The following RSPH14 variants were observed in gnomAD, a reference collection of about 807,000 sequenced individuals.
RSPH14 encodes rhabdoid tumor deletion region gene 1.
RSPH14 carries 20 observed loss-of-function variants against 26.7 expected under a neutral mutation model. The observed-to-expected ratio is 0.75, with a 90% CI of 0.53 to 1.09. The LOEUF is 1.09. Ranked by LOEUF, RSPH14 falls within the 50% of genes least tolerant of loss-of-function variation. The pLI is 0.00. For synonymous variants in RSPH14, 177 were observed against 189.3 expected (o/e 0.93, Z 0.53); for missense variants, 449 against 457.2 (o/e 0.98, Z 0.16).
At position 23,140,333 on chromosome 22, in the gene RSPH14, T is replaced by G. The variant is rs935227370; in HGVS notation, c.88A>C (p.Lys30Gln). ...TCTGACTGCAGCTCCTCCTTCAGCT[T>G]GGGCAGGGCCCGATGGCCATAGGCA... Reference protein sequence around the residue: ...TTAYGHRALPKLKEELQSEDL... With the variant: ...TTAYGHRALPQLKEELQSEDL... Residue 30 changes from lysine (K) to glutamine (Q), a missense_variant, in exon 2 of 7, where the codon AAG becomes CAG. Coordinates refer to ENST00000216036, the MANE Select transcript of RSPH14 (RefSeq NM_014433.3). 9.3e-6 allele frequency: 15 copies of G among 1,614,088 alleles called. No homozygotes were observed. The highest frequency in any genetic ancestry group is 1.3e-5 in the Non-Finnish European group (15 of 1,180,044).
intron 4 of RSPH14, chr22:23,123,747 C>A: frequency 2.9e-6 from 1 of 346,138 alleles, no homozygotes; most frequent in Non-Finnish European, 5.4e-6. Flanking sequence ...CTTCACTTTG[C>A]CTTCCTGAGT....
the RSPH14 span, among the ~76,000 whole-genome samples, chr22:23,167,057 A>G: frequency 6.6e-6 from 1 of 151,990 alleles, no homozygotes; most frequent in Non-Finnish European, 1.5e-5. Flanking sequence ...ACAGCTGAAG[A>G]GATGGGACAC....
At chr22:23,166,728 G>T in the RSPH14 span, among the ~76,000 whole-genome samples, 1 of 151,960 alleles carries the variant, frequency 6.6e-6, no homozygotes, top group Non-Finnish European at 1.5e-5. Flanking sequence ...GTTGTTAACT[G>T]GTGCTCTACA....
the RSPH14 span, among the ~76,000 whole-genome samples, chr22:23,178,727 C>A: frequency 2.0e-5 from 3 of 152,186 alleles, no homozygotes; most frequent in Admixed American, 2.0e-4. Flanking sequence ...AACAGGCAAT[C>A]ACGAAATCGA....
At chr22:23,141,195 G>A (rs1347241751) in intron 1 of RSPH14, among the ~76,000 whole-genome samples, 2 of 152,104 alleles carry the variant, frequency 1.3e-5, no homozygotes, top group Non-Finnish European at 2.9e-5. Context: ...TGGGCGTGAT[G>A]GCGCATGCCT....
the RSPH14 span, among the ~76,000 whole-genome samples, chr22:23,177,352 T>C: frequency 6.6e-6 from 1 of 152,138 alleles, no homozygotes; most frequent in African/African-American, 2.4e-5. Flanking sequence ...GGCATCGCTC[T>C]CGGTGACCTA....
At chr22:23,175,125 A>AG in the RSPH14 span, among the ~76,000 whole-genome samples, 1 of 149,702 alleles carries the variant, frequency 6.7e-6, no homozygotes, top group Non-Finnish European at 1.5e-5. Context: ...GCCTCCGAGT[A>AG]GCTGGGACTA....
At chr22:23,157,417 A>ATT in the RSPH14 span, among the ~76,000 whole-genome samples, 1 of 151,714 alleles carries the variant, frequency 6.6e-6, no homozygotes, top group Non-Finnish European at 1.5e-5. Flanking sequence ...CACCCAGCTA[A>ATT]TTTTTTTGTG....
At chr22:23,076,558 A>G (rs1483718135) in intron 4 of RSPH14, among the ~76,000 whole-genome samples, 3 of 152,196 alleles carry the variant, frequency 2.0e-5, no homozygotes, top group Non-Finnish European at 2.9e-5. Flanking sequence ...GGATGCTACC[A>G]GCTGGGCCCC....
chr22:23,175,814 G>A, the RSPH14 span, among the ~76,000 whole-genome samples: 80 of 152,266 alleles, frequency 5.3e-4, no homozygotes, highest in African/African-American at 1.9e-3. Flanking sequence ...CTGCCCTGCC[G>A]GCCTCATGAT....
In RSPH14 at chr22:23,075,167, C is replaced by T. The variant is rs542866542; in HGVS notation, c.422-11034G>A. ...GGAGAAGGAAGGCCTGGAGGGTGGG[C>T]CCGCAACCTGCCTGCTGCCCAGTCC... On this transcript the variant is annotated intron_variant, in intron 4 of 6. Transcript: ENST00000216036. Among the ~76,000 whole-genome samples the T allele has an allele frequency of 5.9e-5, 9 of 152,204 alleles. No homozygotes were observed. The South Asian group carries it at 1.7e-3, about 28-fold the overall frequency.
At chr22:23,105,924 CA>C (rs1333921317) in intron 4 of RSPH14, among the ~76,000 whole-genome samples, 15 of 152,188 alleles carry the variant, frequency 9.9e-5, no homozygotes, top group Non-Finnish European at 1.9e-4. Flanking sequence ...AAGGTGAGAG[CA>C]GGTGGGACCC....
At chr22:23,145,188 T>G (rs2146467296), upstream of RSPH14, 1 of 625,368 alleles carries the variant, frequency 1.6e-6, no homozygotes, top group East Asian at 2.8e-5. Context: ...CCTGCGCGAA[T>G]CTCTCCACGG....
the RSPH14 span, among the ~76,000 whole-genome samples, chr22:23,165,266 G>A: frequency 6.6e-6 from 1 of 152,204 alleles, no homozygotes; most frequent in Non-Finnish European, 1.5e-5. Context: ...ATTGCACTCT[G>A]ACCCAGATGC....
intron 1 of RSPH14, 37 bp from the exon 2 acceptor site, chr22:23,140,509 T>C (rs552379950): frequency 3.3e-6 from 5 of 1,523,204 alleles, no homozygotes; most frequent in Non-Finnish European, 4.4e-6. Flanking sequence ...ATTTCTATTA[T>C]GATTTAAAAG....
At chr22:23,177,804 C>T in the RSPH14 span, among the ~76,000 whole-genome samples, 1 of 152,156 alleles carries the variant, frequency 6.6e-6, no homozygotes, top group African/African-American at 2.4e-5. Context: ...TAAACAGCTT[C>T]AGAGTTTACT....
At chr22:23,142,145 C>T, upstream of RSPH14, 2 of 503,604 alleles carry the variant, frequency 4.0e-6, no homozygotes, top group Non-Finnish European at 5.1e-6. Flanking sequence ...TACAGGGTTG[C>T]TGTGGAGACC....
intron 4 of RSPH14, among the ~76,000 whole-genome samples, chr22:23,065,619 C>T (rs1472210099): frequency 1.5e-5 from 2 of 136,926 alleles, no homozygotes; most frequent in South Asian, 2.6e-4. Context: ...GGACAAGTTA[C>T]TTAACCTCTC....
chr22:23,111,911 G>A lies in RSPH14; in HGVS notation c.421+22115C>T, dbSNP rs556078815. On this transcript the variant is annotated intron_variant, in intron 4 of 6. Coordinates refer to ENST00000216036, the MANE Select transcript of RSPH14 (RefSeq NM_014433.3). Reference sequence around the variant, plus strand: ...CCTTATTTCCAAACCAGAGGTGTCTGATCACAGAGTGTGTCACTAGGAGCA... The same window carrying A: ...CCTTATTTCCAAACCAGAGGTGTCTAATCACAGAGTGTGTCACTAGGAGCA... 2.3e-3 allele frequency among the ~76,000 whole-genome samples: 343 copies of A among 152,220 alleles called. 1 individual carries two copies. Among genetic ancestry groups the A allele is most frequent in the Non-Finnish European group, 4.5e-3 (305 of 68,036 alleles).
Sources: gnomAD v4.1 joint callset for allele counts (sites outside exome capture counted in the v4.1 genomes callset) on GRCh38, gnomAD v4.1.1 for gene constraint, MANE v1.5 for transcripts, NCBI Gene and HGNC (gene_info 2026-07-23, HGNC 2026-07-21) for gene names.